Variants in NR5A1 observed in about 807,000 individuals in gnomAD.
NR5A1 encodes steroidogenic factor 1.
NR5A1 carries 6 observed loss-of-function variants against 42.7 expected under a neutral mutation model. The observed-to-expected ratio is 0.14, with a 90% CI of 0.08 to 0.28. NR5A1 has a LOEUF of 0.28. NR5A1 is among the 10% of genes least tolerant of loss of function. The pLI is 1.00. For missense variants in NR5A1, 442 were observed against 626.4 expected (o/e 0.71, Z 3.14); for synonymous variants, 274 against 277.5 (o/e 0.99, Z 0.12).
rs1214587012 is a variant in NR5A1, at chr9:124,482,509, T to C, written c.*249A>G. The C allele has an allele frequency of 3.6e-6, 2 of 553,514 alleles. No individual in the cohort carries two copies. Among genetic ancestry groups the C allele is most frequent in the Admixed American group, 6.2e-5 (2 of 32,398 alleles). The allele number at this position is 553,514 out of a possible 1,614,324, so 34.3% of individuals were successfully genotyped here. A position where few individuals can be genotyped will look rare whatever the true frequency, so the allele number is the denominator to read the frequency against. The stretch of plus-strand genomic sequence containing the variant: ...GCGGGGCGGGTGGTTAACAGCCACC[T>C]CCTTGGGGCACTCCAAGCAGCAGGC... On this transcript the variant is annotated 3_prime_UTR_variant, in exon 7 of 7. Transcript: ENST00000373588.
At chr9:124,502,288 T>C (rs1307611751) in intron 3 of NR5A1, among the ~76,000 whole-genome samples, 2 of 152,180 alleles carry the variant, frequency 1.3e-5, no homozygotes, top group Non-Finnish European at 2.9e-5. Flanking sequence ...CATTTTTCTT[T>C]TCTTTCTTTC....
rs1319296648 is a variant in NR5A1 at position 124,503,614 on chromosome 9, G to T, written c.-15-204C>A. ...CCCGCGCCCGGCCTTCCCCTGCCAG[G>T]CCCCACGCTCCCGCCCCGTCCGGGG... On this transcript the variant is annotated intron_variant, in intron 1 of 6. Coordinates refer to ENST00000373588, the MANE Select transcript of NR5A1 (RefSeq NM_004959.5). This position sits in a 1 kb window ranked among gnomAD's most constrained non-coding sequence, Gnocchi z 9.6. Among the ~76,000 whole-genome samples, 1 of 152,114 alleles carries T rather than the reference G, an allele frequency of 6.6e-6. No individual in the cohort carries two copies. Among genetic ancestry groups the T allele is most frequent in the Non-Finnish European group, 1.5e-5 (1 of 68,000 alleles).
Position 124,497,015 on chromosome 9 carries a change from C to A in NR5A1, c.870+3075G>T, listed in dbSNP as rs1832399073. 1.3e-5 allele frequency among the ~76,000 whole-genome samples: 2 copies of A among 152,174 alleles called. 1 individual carries two copies. The highest frequency in any genetic ancestry group is 4.1e-4 in the South Asian group (2 of 4,834). On this transcript the variant is annotated intron_variant, in intron 4 of 6. Transcript: ENST00000373588. ...CAGGACAAAGTGACCCTCAGACGGT[C>A]CCAGAACAATCGTGTGCTCAGAGGA...
chr9:124,486,524 T>C (rs1832212137), intron 6 of NR5A1, among the ~76,000 whole-genome samples: 1 of 152,184 alleles, frequency 6.6e-6, no homozygotes, highest in Non-Finnish European at 1.5e-5. Flanking sequence ...CAAGCTGGGA[T>C]GCATGTTCCT....
At chr9:124,499,875 GCTC>G in intron 4 of NR5A1, among the ~76,000 whole-genome samples, 1 of 152,300 alleles carries the variant, frequency 6.6e-6, no homozygotes, top group Middle Eastern at 3.4e-3. Flanking sequence ...TTGAGCAGAG[GCTC>G]AAGGAGGAGA....
intron 4 of NR5A1, 142 bp downstream of exon 4, chr9:124,499,948 G>T: frequency 8.8e-7 from 1 of 1,130,986 alleles, no homozygotes; most frequent in Non-Finnish European, 1.3e-6. Context: ...GCTCCTTAAT[G>T]TCCCCAGGGT....
intron 3 of NR5A1, among the ~76,000 whole-genome samples, chr9:124,502,842 AG>A (rs1374078490): frequency 6.6e-6 from 1 of 152,080 alleles, no homozygotes; most frequent in African/African-American, 2.4e-5. Flanking sequence ...TCATCTCCAT[AG>A]GGTTCACTTT....
intron 1 of NR5A1, among the ~76,000 whole-genome samples, chr9:124,505,313 G>T (rs1483894177): frequency 6.6e-6 from 1 of 152,224 alleles, no homozygotes; most frequent in Non-Finnish European, 1.5e-5. Context: ...CACGCGGGTG[G>T]CTGGTCGCAC....
At chr9:124,491,017 A>AACCCCCC in intron 6 of NR5A1, 64 bp downstream of exon 6, 4 of 457,438 alleles carry the variant, frequency 8.7e-6, no homozygotes, top group Non-Finnish European at 1.7e-5. Flanking sequence ...CTCCAGCCTC[A>AACCCCCC]CCCACCCTCC....
chr9:124,494,731 C>A (rs916733815), intron 4 of NR5A1, among the ~76,000 whole-genome samples: 2 of 152,086 alleles, frequency 1.3e-5, no homozygotes, highest in Non-Finnish European at 2.9e-5. Context: ...AGGGGCCACT[C>A]ACCACCTGGG....
rs768793986 is a variant in NR5A1 at position 124,498,649 on chromosome 9, A to G, written c.870+1441T>C. ...GGTCCTCATCCCCACCAGGGCCTCC[A>G]GCCATGAGCAGAAGGCAGGTGGGAG... On this transcript the variant is annotated intron_variant, in intron 4 of 6. Coordinates refer to ENST00000373588, the MANE Select transcript of NR5A1 (RefSeq NM_004959.5). The surrounding 1 kb of genome is among the most constrained non-coding windows in gnomAD (Gnocchi z 4.6). 6.6e-6 allele frequency among the ~76,000 whole-genome samples: 1 copy of G among 152,230 alleles called. No individual in the cohort carries two copies. The highest frequency in any genetic ancestry group is 1.5e-5 in the Non-Finnish European group (1 of 68,028).
chr9:124,485,175 C>A (rs532869950), intron 6 of NR5A1, among the ~76,000 whole-genome samples: 1 of 152,238 alleles, frequency 6.6e-6, no homozygotes, highest in African/African-American at 2.4e-5. Context: ...GGTGCCCAGC[C>A]TGGGGGCACA....
At chr9:124,490,972 C>G (rs1434253078) in intron 6 of NR5A1, 109 bp downstream of exon 6, 4 of 1,402,052 alleles carry the variant, frequency 2.9e-6, no homozygotes, top group Non-Finnish European at 3.0e-6. Context: ...CCCCGAGGCT[C>G]CTTCGTGGCC....
chr9:124,499,755 A>G (rs912732129), intron 4 of NR5A1, among the ~76,000 whole-genome samples: 1 of 152,136 alleles, frequency 6.6e-6, no homozygotes, highest in Non-Finnish European at 1.5e-5. Context: ...AGAATAGGGA[A>G]CCCCAGAGGC....
intron 6 of NR5A1, 52 bp downstream of exon 6, chr9:124,491,027 CCA>C: frequency 3.2e-6 from 3 of 923,296 alleles, no homozygotes; most frequent in Non-Finnish European, 4.8e-6. Flanking sequence ...ACCCACCCTC[CCA>C]CCCACCCGCC....
intron 6 of NR5A1, among the ~76,000 whole-genome samples, chr9:124,490,842 A>T (rs1291312586): frequency 6.6e-6 from 1 of 152,206 alleles, no homozygotes; most frequent in Non-Finnish European, 1.5e-5. Context: ...GGAGCCTGGA[A>T]TAAAAATCCT....
In NR5A1 at chr9:124,482,717, CCAGTCCCG is replaced by C; in HGVS notation, c.*33_*40del. 3.6e-6 allele frequency: 3 copies of C among 828,402 alleles called. No homozygotes were observed. Among genetic ancestry groups the C allele is most frequent in the Non-Finnish European group, 5.7e-6 (3 of 524,868 alleles). The allele number at this position is 828,402 out of a possible 1,614,324, so 51.3% of individuals were successfully genotyped here. A position where few individuals can be genotyped will look rare whatever the true frequency, so the allele number is the denominator to read the frequency against. On this transcript the variant is annotated 3_prime_UTR_variant, in exon 7 of 7. Coordinates refer to ENST00000373588, the MANE Select transcript of NR5A1 (RefSeq NM_004959.5). ...CTGCGGCCCCGCCCAGGCCCCGCCCCCAGTCCCGCCCCCAGTCCCGGCCCCGCCCCCGG... is the reference window on the plus strand; with the variant it reads ...CTGCGGCCCCGCCCAGGCCCCGCCCCCCCCCAGTCCCGGCCCCGCCCCCGG...
intron 1 of NR5A1, among the ~76,000 whole-genome samples, chr9:124,506,618 G>A (rs11792231): frequency 6.6e-6 from 1 of 152,176 alleles, no homozygotes; most frequent in Non-Finnish European, 1.5e-5. Flanking sequence ...GCTGGGCTCA[G>A]GCCCTTCTCC....
chr9:124,497,642 C>G (rs1181544114), intron 4 of NR5A1, among the ~76,000 whole-genome samples: 2 of 152,154 alleles, frequency 1.3e-5, no homozygotes, highest in Non-Finnish European at 1.5e-5. Context: ...GGGAGCCCCT[C>G]CCTGACCCGG....
Sources: allele counts gnomAD v4.1 joint callset (sites outside exome capture counted in the v4.1 genomes callset), GRCh38; gene constraint gnomAD v4.1.1; non-coding constraint Gnocchi (gnomAD v3.1); transcripts MANE v1.5; gene names NCBI Gene and HGNC (gene_info 2026-07-23, HGNC 2026-07-21).